TENM4: variants seen among roughly 807,000 people sequenced by gnomAD.
TENM4 encodes the protein teneurin transmembrane protein 4.
Under a neutral mutation model 243.3 loss-of-function variants are expected in TENM4, and 82 were observed. That is an observed-to-expected ratio of 0.34 (90% CI 0.28 to 0.40). The LOEUF (loss-of-function observed/expected upper bound fraction) is 0.40, where lower values mean the gene tolerates loss of function less well. Among genes scored for constraint, TENM4 ranks in the 10% least tolerant of loss-of-function variants. The pLI is 1.00. For missense variants in TENM4, 3,138 were observed against 3,673.3 expected (o/e 0.85, Z 3.77); for synonymous variants, 1,412 against 1,456.3 (o/e 0.97, Z 0.69).
intron 1 of TENM4, among the ~76,000 whole-genome samples, chr11:79,340,409 G>A (rs1857222086): frequency 6.6e-6 from 1 of 152,056 alleles, no homozygotes; most frequent in Non-Finnish European, 1.5e-5. Flanking sequence ...CAGCCCCAGG[G>A]ACCACCAGCT....
intron 2 of TENM4, among the ~76,000 whole-genome samples, chr11:79,258,445 C>T (rs1855737619): frequency 6.6e-6 from 1 of 152,194 alleles, no homozygotes; most frequent in Admixed American, 6.5e-5. Context: ...CTAAGGCTGG[C>T]CCCCTTCAAT....
chr11:79,386,146 AC>A (rs1858107275), intron 1 of TENM4, among the ~76,000 whole-genome samples: 3 of 152,320 alleles, frequency 2.0e-5, no homozygotes, highest in African/African-American at 7.2e-5. Context: ...GGCAAAGGTG[AC>A]CCTGTGGTAC....
intron 3 of TENM4, among the ~76,000 whole-genome samples, chr11:79,152,169 G>A (rs1002990090): frequency 2.0e-5 from 3 of 152,132 alleles, no homozygotes; most frequent in African/African-American, 7.2e-5. Context: ...CTGAAGATCT[G>A]TGTTCCATGG....
chr11:79,364,411 C>A (rs1404943333), intron 1 of TENM4, among the ~76,000 whole-genome samples: 3 of 152,088 alleles, frequency 2.0e-5, no homozygotes, highest in Admixed American at 2.0e-4. Flanking sequence ...TTTCCCTGCC[C>A]AAGTCTGATT....
At chr11:79,361,477 T>C (rs1380279873) in intron 1 of TENM4, among the ~76,000 whole-genome samples, 2 of 152,240 alleles carry the variant, frequency 1.3e-5, no homozygotes, top group African/African-American at 4.8e-5. Context: ...TACGTGTATC[T>C]TCTCTTCACC....
chr11:78,707,952 C>A (rs1030674322), intron 27 of TENM4, among the ~76,000 whole-genome samples: 1 of 152,190 alleles, frequency 6.6e-6, no homozygotes, highest in Non-Finnish European at 1.5e-5. Flanking sequence ...ATTTGGGTAG[C>A]CAGGCACCCT....
At chr11:79,396,679 T>C (rs77903408) in intron 1 of TENM4, among the ~76,000 whole-genome samples, 2,040 of 152,290 alleles carry the variant, frequency 0.013, 49 homozygotes, top group African/African-American at 0.047. Flanking sequence ...AGCCAAAGCG[T>C]CCACTTCCCT....
At chr11:78,730,083 T>C (rs540315569) in intron 21 of TENM4, among the ~76,000 whole-genome samples, 1 of 152,342 alleles carries the variant, frequency 6.6e-6, no homozygotes, top group South Asian at 2.1e-4. Flanking sequence ...CAAGCTGTGT[T>C]ATCCTAGAAA....
intron 4 of TENM4, among the ~76,000 whole-genome samples, chr11:79,113,751 T>C (rs1483317843): frequency 6.6e-6 from 1 of 152,174 alleles, no homozygotes; most frequent in Non-Finnish European, 1.5e-5. Context: ...TGTCTCTGGA[T>C]TCCTATTTGC....
intron 9 of TENM4, among the ~76,000 whole-genome samples, chr11:78,883,425 C>T (rs1855481132): frequency 6.6e-6 from 1 of 152,240 alleles, no homozygotes; most frequent in Non-Finnish European, 1.5e-5. Flanking sequence ...ATCCCATCTT[C>T]CTTCCTGATG....
chr11:78,672,915 C>G (rs1250131383), intron 30 of TENM4, among the ~76,000 whole-genome samples: 1 of 151,958 alleles, frequency 6.6e-6, no homozygotes, highest in African/African-American at 2.4e-5. Context: ...CAGCCCCTGT[C>G]GGGTGTCTCC....
At chr11:79,303,095 AGTAAATGGT>A (rs1275150684) in intron 1 of TENM4, among the ~76,000 whole-genome samples, 62 of 152,354 alleles carry the variant, frequency 4.1e-4, no homozygotes, top group African/African-American at 1.3e-3. Flanking sequence ...ACCAATAGGC[AGTAAATGGT>A]CTTGGCCTTG....
intron 2 of TENM4, among the ~76,000 whole-genome samples, chr11:79,246,495 AT>A (rs1411757305): frequency 6.6e-6 from 1 of 152,212 alleles, no homozygotes. Flanking sequence ...TAGCACCATC[AT>A]TTGTAACAGT....
At chr11:79,048,842 G>A (rs11237700) in intron 6 of TENM4, among the ~76,000 whole-genome samples, 11,008 of 152,164 alleles carry the variant, frequency 0.072, 1,231 homozygotes, top group African/African-American at 0.24. Flanking sequence ...CCATGTTACA[G>A]GATGGGCAGG....
At position 79,202,961 on chromosome 11, in the gene TENM4, G is replaced by T. The variant is rs535062513; in HGVS notation, c.-163+12847C>A. Among the ~76,000 whole-genome samples the T allele has an allele frequency of 1.9e-4, 29 of 152,310 alleles. 1 individual carries two copies. The highest frequency in any genetic ancestry group is 3.4e-3 in the Middle Eastern group (1 of 294). On this transcript the variant is annotated intron_variant, in intron 3 of 33. Coordinates refer to ENST00000278550, the MANE Select transcript of TENM4 (RefSeq NM_001098816.3). ...CTTGGTTTAATTTGTCCTCACAATT[G>T]TCCTACAAAGTGGGTATTAATAATC...
chr11:79,066,730 G>GCGCACGCACACGCA (rs71050206), intron 5 of TENM4, among the ~76,000 whole-genome samples: 1 of 150,606 alleles, frequency 6.6e-6, no homozygotes, highest in Non-Finnish European at 1.5e-5. Context: ...GAGCACACAC[G>GCGCACGCACACGCA]CGCACGCACA....
chr11:78,985,675 C>T (rs1380232293), intron 6 of TENM4, among the ~76,000 whole-genome samples: 1 of 152,154 alleles, frequency 6.6e-6, no homozygotes, highest in Non-Finnish European at 1.5e-5. Context: ...GTTAACCTAT[C>T]TTATAAAATG....
At chr11:78,954,225 G>T (rs1857163560) in intron 6 of TENM4, among the ~76,000 whole-genome samples, 1 of 152,202 alleles carries the variant, frequency 6.6e-6, no homozygotes, top group Admixed American at 6.5e-5. Context: ...CCTGGGGAAG[G>T]GTGGGAACAG....
At chr11:79,230,028 G>A (rs141934273) in intron 2 of TENM4, among the ~76,000 whole-genome samples, 14 of 146,430 alleles carry the variant, frequency 9.6e-5, no homozygotes, top group African/African-American at 2.3e-4. Flanking sequence ...TAGAGACTGC[G>A]TCTTGCTATG....
Sources: gnomAD v4.1 joint callset for allele counts (sites outside exome capture counted in the v4.1 genomes callset) on GRCh38, gnomAD v4.1.1 for gene constraint, MANE v1.5 for transcripts, NCBI Gene and HGNC (gene_info 2026-07-23, HGNC 2026-07-21) for gene names.